The following NEO1 variants were observed in gnomAD, a reference collection of about 807,000 sequenced individuals.
NEO1 encodes the protein neogenin 1.
In NEO1, 63 loss-of-function variants were observed where a neutral mutation model predicts 159.7. That is an observed-to-expected ratio of 0.39 (90% CI 0.32 to 0.49). The LOEUF is 0.49. Among genes scored for constraint, NEO1 ranks in the 20% least tolerant of loss-of-function variants. The pLI is 0.85. For synonymous variants in NEO1, 633 were observed against 662.0 expected (o/e 0.96, Z 0.67); for missense variants, 1,615 against 1,831.0 (o/e 0.88, Z 2.15).
chr15:73,274,796 CTTTTT>C (rs201909530), intron 21 of NEO1, 72 bp downstream of exon 21: 95 of 1,073,820 alleles, frequency 8.8e-5, no homozygotes, highest in South Asian at 1.9e-4. Flanking sequence ...GTTTTTGTTT[CTTTTT>C]TTTTTTTTTT....
intron 26 of NEO1, among the ~76,000 whole-genome samples, chr15:73,296,135 C>G (rs1404748529): frequency 6.6e-6 from 1 of 152,192 alleles, no homozygotes; most frequent in African/African-American, 2.4e-5. Flanking sequence ...TTTGCGCCAT[C>G]TCTTTGGCCC....
At chr15:73,242,471 C>T (rs531148266) in intron 8 of NEO1, among the ~76,000 whole-genome samples, 5 of 152,210 alleles carry the variant, frequency 3.3e-5, no homozygotes, top group African/African-American at 1.2e-4. Flanking sequence ...AGTTTGAGAC[C>T]AGCCTGGCCA....
At chr15:73,270,482 T>C (rs1227201330) in intron 18 of NEO1, 28 bp downstream of exon 18, 1 of 1,577,758 alleles carries the variant, frequency 6.3e-7, no homozygotes, top group Non-Finnish European at 8.6e-7. Flanking sequence ...CCATGTCACA[T>C]GGCTGCTTTT....
intron 5 of NEO1, among the ~76,000 whole-genome samples, chr15:73,152,981 G>A (rs182888078): frequency 3.2e-4 from 49 of 152,224 alleles, no homozygotes; most frequent in African/African-American, 1.2e-3. Context: ...AGGCTGAGAA[G>A]TCCCATGTTC....
At chr15:73,159,427 G>A (rs2034012425) in intron 5 of NEO1, among the ~76,000 whole-genome samples, 1 of 151,872 alleles carries the variant, frequency 6.6e-6, no homozygotes, top group South Asian at 2.1e-4. Flanking sequence ...TTTGTGTCTC[G>A]GTGTTGGGTC....
intron 7 of NEO1, among the ~76,000 whole-genome samples, chr15:73,207,941 TTAGA>T (rs1312294247): frequency 3.9e-5 from 6 of 152,218 alleles, no homozygotes; most frequent in African/African-American, 1.4e-4. Flanking sequence ...TTAGAACTAA[TTAGA>T]TAGAGGCTTC....
At chr15:73,197,004 T>C (rs942502205) in intron 7 of NEO1, among the ~76,000 whole-genome samples, 1 of 152,182 alleles carries the variant, frequency 6.6e-6, no homozygotes, top group Non-Finnish European at 1.5e-5. Flanking sequence ...ATTGTGTTCT[T>C]AAAATTCATT....
In NEO1 at chr15:73,244,356, G is replaced by T; in HGVS notation, c.1464G>T (p.Glu488Asp). The change falls in exon 9 of 29, where the codon GAG (glutamate) becomes GAT (aspartate). Residue 488 changes from glutamate (E) to aspartate (D), a missense_variant. Glu to Asp is a conservative substitution (Grantham distance 45). Around this residue, in one of 3 missense-constraint regions of NEO1, gnomAD observed 1,018 missense variants for 1,115.4 expected, o/e 0.91. Transcript: ENST00000261908. The stretch of plus-strand genomic sequence containing the variant: ...CCTTTGTCTAAAGGGAACGTGTTGA[G>T]AATACCAGTCACCCAGGAGAGATGC... ...TKEGIARERV[E>D]NTSHPGEMQV... 1 of 1,613,128 alleles carries T rather than the reference G, an allele frequency of 6.2e-7. No individual in the cohort carries two copies. The highest frequency in any genetic ancestry group is 1.1e-5 in the South Asian group (1 of 90,944).
At chr15:73,104,930 C>T (rs2070603156) in intron 1 of NEO1, among the ~76,000 whole-genome samples, 1 of 152,180 alleles carries the variant, frequency 6.6e-6, no homozygotes, top group Non-Finnish European at 1.5e-5. Flanking sequence ...ATCCAATCAC[C>T]TGCCACCAGG....
chr15:73,189,719 C>T (rs769533204), intron 7 of NEO1, among the ~76,000 whole-genome samples: 9 of 152,134 alleles, frequency 5.9e-5, no homozygotes, highest in Non-Finnish European at 8.8e-5. Flanking sequence ...CTGTGGTATA[C>T]TTAACATGAC....
chr15:73,270,618 A>T (rs1225992476), intron 18 of NEO1, among the ~76,000 whole-genome samples, 164 bp downstream of exon 18: 1 of 152,264 alleles, frequency 6.6e-6, no homozygotes, highest in Non-Finnish European at 1.5e-5. Flanking sequence ...ACTGAACAAG[A>T]ACATTAGCAA....
chr15:73,233,503 A>G (rs1212643936), intron 7 of NEO1, among the ~76,000 whole-genome samples: 1 of 152,178 alleles, frequency 6.6e-6, no homozygotes, highest in Non-Finnish European at 1.5e-5. Flanking sequence ...CAATAAATGT[A>G]CACTTGGTTA....
At chr15:73,263,225 A>G (rs1289095923) in intron 15 of NEO1, among the ~76,000 whole-genome samples, 1 of 131,972 alleles carries the variant, frequency 7.6e-6, no homozygotes, top group Non-Finnish European at 1.5e-5. Flanking sequence ...ACAGCATCTC[A>G]CTCTGTTGCC....
At chr15:73,167,807 C>A (rs1479636808) in intron 5 of NEO1, among the ~76,000 whole-genome samples, 3 of 152,140 alleles carry the variant, frequency 2.0e-5, no homozygotes, top group Non-Finnish European at 4.4e-5. Flanking sequence ...GAGCTTTAGA[C>A]CGTAAGACCC....
At chr15:73,053,866 C>G (rs1279801476) in intron 1 of NEO1, among the ~76,000 whole-genome samples, 1 of 152,228 alleles carries the variant, frequency 6.6e-6, no homozygotes, top group African/African-American at 2.4e-5. Flanking sequence ...TGAACCAGTA[C>G]TTGTTTTTCC....
chr15:73,067,275 T>C (rs1301617294), intron 1 of NEO1, among the ~76,000 whole-genome samples: 2 of 152,196 alleles, frequency 1.3e-5, no homozygotes, highest in Non-Finnish European at 2.9e-5. Flanking sequence ...TCTAATGATA[T>C]TCTAAAATTT....
intron 20 of NEO1, among the ~76,000 whole-genome samples, chr15:73,274,343 A>G (rs1435675400): frequency 3.3e-5 from 5 of 152,170 alleles, no homozygotes; most frequent in Non-Finnish European, 7.3e-5. Context: ...TGTTCTTGTG[A>G]TGGATAGTTC....
chr15:73,055,797 G>C (rs1342799225), intron 1 of NEO1, among the ~76,000 whole-genome samples: 2 of 152,102 alleles, frequency 1.3e-5, no homozygotes, highest in Non-Finnish European at 2.9e-5. Flanking sequence ...TTCTTGTGTT[G>C]CCTGTCTTGG....
chr15:73,083,365 T>C (rs1025524741), intron 1 of NEO1, among the ~76,000 whole-genome samples: 4 of 151,284 alleles, frequency 2.6e-5, no homozygotes, highest in African/African-American at 9.7e-5. Context: ...GGGGGAGAGG[T>C]AGAGGGAGAT....
Sources: gnomAD v4.1 joint callset for allele counts (sites outside exome capture counted in the v4.1 genomes callset) on GRCh38, gnomAD v4.1.1 for gene constraint, gnomAD v4.1.1 regional missense constraint, MANE v1.5 for transcripts, NCBI Gene and HGNC (gene_info 2026-07-23, HGNC 2026-07-21) for gene names.